The following TRPA1 variants were observed in gnomAD, a reference collection of about 807,000 sequenced individuals.
TRPA1 encodes transient receptor potential cation channel subfamily A member 1.
Under a neutral mutation model 131.3 loss-of-function variants are expected in TRPA1, and 129 were observed. The ratio of observed to expected loss-of-function variants is 0.98; its 90% confidence interval spans 0.85 to 1.14. TRPA1 has a LOEUF of 1.14. Among genes scored for constraint, TRPA1 ranks in the 50% most tolerant of loss-of-function variants. The pLI is 0.00. For synonymous variants in TRPA1, 441 were observed against 451.7 expected (o/e 0.98, Z 0.30); for missense variants, 1,304 against 1,354.2 (o/e 0.96, Z 0.58).
chr8:72,066,473 C>T (rs945482763), intron 3 of TRPA1, among the ~76,000 whole-genome samples: 1 of 152,152 alleles, frequency 6.6e-6, no homozygotes, highest in Non-Finnish European at 1.5e-5. Context: ...ATCTTGACTT[C>T]TTTGAAAAAA....
chr8:72,047,540 A>T (rs1805366074), intron 15 of TRPA1, among the ~76,000 whole-genome samples: 1 of 152,132 alleles, frequency 6.6e-6, no homozygotes, highest in African/African-American at 2.4e-5. Context: ...GGATATATAG[A>T]TTACAGGTTG....
At chr8:72,066,609 A>T (rs1805937306) in intron 3 of TRPA1, among the ~76,000 whole-genome samples, 1 of 152,196 alleles carries the variant, frequency 6.6e-6, no homozygotes, top group Admixed American at 6.5e-5. Context: ...TTAGTACATA[A>T]GAATAGGTGG....
chr8:72,089,367 C>A, the TRPA1 span, among the ~76,000 whole-genome samples: 1 of 152,066 alleles, frequency 6.6e-6, no homozygotes, highest in African/African-American at 2.4e-5. Flanking sequence ...ATACCCAGAT[C>A]ATTTCACACC....
chr8:72,082,300 T>A, the TRPA1 span, among the ~76,000 whole-genome samples: 1 of 152,052 alleles, frequency 6.6e-6, no homozygotes, highest in South Asian at 2.1e-4. Context: ...AATACATTTA[T>A]ACATCTATGC....
intron 2 of TRPA1, among the ~76,000 whole-genome samples, chr8:72,069,990 T>A (rs1806021927): frequency 6.6e-6 from 1 of 152,204 alleles, no homozygotes; most frequent in Admixed American, 6.5e-5. Context: ...AAGCCCCTGA[T>A]GCCACAAGTG....
At chr8:72,039,167 C>T (rs775733337) in intron 18 of TRPA1, 140 bp from the exon 19 acceptor site, 40 of 824,496 alleles carry the variant, frequency 4.9e-5, no homozygotes, top group Non-Finnish European at 7.8e-5. Context: ...AGTAAATCTT[C>T]TAATTCACCT....
Position 72,023,012 on chromosome 8 carries a change from C to T in TRPA1, c.3254G>A (p.Cys1085Tyr). The T allele has an allele frequency of 6.2e-7, 1 of 1,613,888 alleles. No homozygotes were observed. Among genetic ancestry groups the T allele is most frequent in the Non-Finnish European group, 8.5e-7 (1 of 1,179,878 alleles). Residue 1085 changes from cysteine (C) to tyrosine (Y), a missense_variant, in exon 27 of 27, where the codon TGT becomes TAT. Cys to Tyr is a radical substitution (Grantham distance 194, BLOSUM62 -2). Transcript: ENST00000262209. ...ISETEDDDSH[C>Y]SFQDRFKKEQ... ...TTTCTTAAACCTGTCTTGAAAAGAA[C>T]AATGGCTATCATCATCCTCTGTCTC...
chr8:72,082,199 A>G, the TRPA1 span, among the ~76,000 whole-genome samples: 134,468 of 151,956 alleles, frequency 0.88, 59,680 homozygotes, highest in African/African-American at 0.94. Context: ...TCTACTTTAG[A>G]TTAATACTTG....
chr8:72,078,848 T>G (rs1182091193), upstream of TRPA1, among the ~76,000 whole-genome samples: 4 of 152,192 alleles, frequency 2.6e-5, no homozygotes, highest in East Asian at 7.7e-4. Context: ...CCTTCCAAAG[T>G]GGATGTACCA....
At chr8:72,036,757 T>A (rs529567076) in intron 20 of TRPA1, among the ~76,000 whole-genome samples, 1 of 152,202 alleles carries the variant, frequency 6.6e-6, no homozygotes, top group Non-Finnish European at 1.5e-5. Flanking sequence ...AGAAAACTTC[T>A]TGGGGACTGC....
At chr8:72,067,074 A>AT (rs1178206025) in intron 3 of TRPA1, among the ~76,000 whole-genome samples, 1 of 152,226 alleles carries the variant, frequency 6.6e-6, no homozygotes, top group African/African-American at 2.4e-5. Flanking sequence ...ACCATAAATC[A>AT]TTGTGCAAGA....
chr8:72,024,802 G>C lies in TRPA1; in HGVS notation c.3052-891C>G, dbSNP rs73687833. Among the ~76,000 whole-genome samples the C allele has an allele frequency of 8.2e-3, 1,248 of 152,198 alleles. 18 individuals carry two copies. Among genetic ancestry groups the C allele is most frequent in the African/African-American group, 0.029 (1,184 of 41,520 alleles). On this transcript the variant is annotated intron_variant, in intron 25 of 26. Coordinates refer to ENST00000262209, the MANE Select transcript of TRPA1 (RefSeq NM_007332.3). ...AATCAGTTGCTGAGCATTCTGTTTC[G>C]GTAGTAATTTTAACCATGGACATGT...
chr8:72,053,540 A>G (rs899332318), intron 13 of TRPA1: 1 of 578,988 alleles, frequency 1.7e-6, no homozygotes, highest in Admixed American at 2.6e-5. Flanking sequence ...GTGAGACTGG[A>G]GGTTTCCCCA....
In TRPA1 at chr8:72,025,986, T is replaced by C; in HGVS notation, c.3025A>G (p.Lys1009Glu). ...DQKSTIVYPN[K>E]PRSGGMLFHI... is the part of the protein sequence containing the mutation. ...AATAACATCCCACCAGATCTGGGTT[T>C]GTTGGGATACACGATGGTGGATTTC... Residue 1009 changes from lysine to glutamate, a missense_variant, in exon 25 of 27, where the codon AAA (lysine) becomes GAA (glutamate). By Grantham distance (56) the Lys-to-Glu change is moderately conservative. Transcript: ENST00000262209. 1 of 1,613,950 alleles carries C rather than the reference T, an allele frequency of 6.2e-7. No individual in the cohort carries two copies. The highest frequency in any genetic ancestry group is 8.5e-7 in the Non-Finnish European group (1 of 1,179,882).
In TRPA1 at chr8:72,021,852, T is replaced by C. The variant is rs1563376775; in HGVS notation, c.*1054A>G. On this transcript the variant is annotated 3_prime_UTR_variant, in exon 27 of 27. Transcript: ENST00000262209. ...AAAAATAGGAAATAAGTGAGAATTA[T>C]AAGAGAAATAAGAAGCAAAAACAGA... The C allele has an allele frequency of 6.6e-6, 1 of 152,100 alleles. No homozygotes were observed. The highest frequency in any genetic ancestry group is 1.5e-5 in the Non-Finnish European group (1 of 68,012). The allele number at this position is 152,100 out of a possible 1,614,324, so 9.4% of individuals were successfully genotyped here.
chr8:72,053,697 T>C, intron 13 of TRPA1, 56 bp downstream of exon 13: 1 of 1,311,286 alleles, frequency 7.6e-7, no homozygotes, highest in Non-Finnish European at 1.1e-6. Context: ...TCTGGCAATG[T>C]TGGAAGTTTC....
At chr8:72,079,611 G>T (rs912161663), upstream of TRPA1, among the ~76,000 whole-genome samples, 13 of 151,854 alleles carry the variant, frequency 8.6e-5, no homozygotes, top group African/African-American at 3.1e-4. Flanking sequence ...ATATATTCAG[G>T]TTATTAATCT....
intron 25 of TRPA1, 110 bp downstream of exon 25, chr8:72,025,850 C>G (rs759596354): frequency 1.5e-4 from 132 of 893,000 alleles, no homozygotes; most frequent in Non-Finnish European, 2.3e-4. Context: ...CCTCTGCCCA[C>G]AGGCAGAGAA....
In TRPA1 at chr8:72,075,341, C is replaced by G; in HGVS notation, c.69G>C (p.Glu23Asp). Residue 23 changes from glutamate to aspartate, a missense_variant, in exon 1 of 27, where the codon GAG (glutamate) becomes GAC (aspartate). Transcript: ENST00000262209. Reference protein sequence around the residue: ...EKKEPQGVVYEDVPDDTEDFK... With the variant: ...EKKEPQGVVYDDVPDDTEDFK... ...AATCCTCCGTGTCGTCCGGCACATC[C>G]TCATAGACAACGCCCTGGGGCTCCT... 1 of 1,613,358 alleles carries G rather than the reference C, an allele frequency of 6.2e-7. No homozygotes were observed. Among genetic ancestry groups the G allele is most frequent in the Non-Finnish European group, 8.5e-7 (1 of 1,179,850 alleles).
Sources: allele counts gnomAD v4.1 joint callset (sites outside exome capture counted in the v4.1 genomes callset), GRCh38; gene constraint gnomAD v4.1.1; transcripts MANE v1.5; gene names NCBI Gene and HGNC (gene_info 2026-07-23, HGNC 2026-07-21).